DSCAM: variants seen among roughly 807,000 people sequenced by gnomAD.
DSCAM encodes cell adhesion molecule DSCAM.
DSCAM carries 47 observed loss-of-function variants against 217.7 expected under a neutral mutation model. The observed-to-expected ratio is 0.22, with a 90% CI of 0.17 to 0.28. DSCAM has a LOEUF of 0.28. Ranked by LOEUF, DSCAM falls within the 10% of genes least tolerant of loss-of-function variation. The pLI is 1.00. For synonymous variants in DSCAM, 1,056 were observed against 1,015.3 expected, an observed-to-expected ratio of 1.04 and a Z score of -0.76; for missense variants, 2,080 against 2,618.3, an observed-to-expected ratio of 0.79 and a Z score of 4.49.
intron 3 of DSCAM, among the ~76,000 whole-genome samples, chr21:40,654,444 A>C (rs2090050664): frequency 6.6e-6 from 1 of 152,194 alleles, no homozygotes; most frequent in Admixed American, 6.5e-5. Flanking sequence ...CACTGCACTA[A>C]ATTTTTACAG....
intron 3 of DSCAM, among the ~76,000 whole-genome samples, chr21:40,668,984 A>AAC (rs753980310): frequency 5.3e-4 from 80 of 152,002 alleles, no homozygotes; most frequent in East Asian, 1.4e-3. Context: ...CTCCGTGCCA[A>AAC]ACACACACAC....
intron 4 of DSCAM, among the ~76,000 whole-genome samples, chr21:40,359,010 C>T (rs1358840111): frequency 6.6e-6 from 1 of 151,890 alleles, no homozygotes; most frequent in Non-Finnish European, 1.5e-5. Flanking sequence ...ACACAAATAC[C>T]TAATCAGTAC....
In DSCAM at chr21:40,172,146, A is replaced by G. The variant is rs143315248; in HGVS notation, c.2948-4858T>C. 3.2e-3 allele frequency among the ~76,000 whole-genome samples: 484 copies of G among 152,310 alleles called. 3 individuals are homozygous for G. The highest frequency in any genetic ancestry group is 0.011 in the African/African-American group (473 of 41,588). Reference sequence around the variant, plus strand: ...TTGCTGGGTGCAGTGGTACATGCCCATAATCCCAGCTACTGGGGAGGCTGA... The same window carrying G: ...TTGCTGGGTGCAGTGGTACATGCCCGTAATCCCAGCTACTGGGGAGGCTGA... On this transcript the variant is annotated intron_variant, in intron 15 of 32. Coordinates refer to ENST00000400454, the MANE Select transcript of DSCAM (RefSeq NM_001389.5).
intron 8 of DSCAM, among the ~76,000 whole-genome samples, chr21:40,337,818 C>T (rs916172889): frequency 2.1e-4 from 32 of 152,196 alleles, no homozygotes; most frequent in Non-Finnish European, 1.2e-4. Flanking sequence ...GATAATGAAG[C>T]TAATGATGTG....
intron 1 of DSCAM, among the ~76,000 whole-genome samples, chr21:40,732,657 CT>C (rs1264991255): frequency 6.6e-6 from 1 of 152,152 alleles, no homozygotes; most frequent in African/African-American, 2.4e-5. Flanking sequence ...ACTTTTGCCC[CT>C]ATACTAGTCC....
chr21:40,216,557 C>T (rs1218704956), intron 11 of DSCAM, among the ~76,000 whole-genome samples: 1 of 152,156 alleles, frequency 6.6e-6, no homozygotes, highest in Non-Finnish European at 1.5e-5. Context: ...ATAATCAACA[C>T]CTATTAATGC....
At chr21:40,439,310 G>T (rs2075610752) in intron 3 of DSCAM, among the ~76,000 whole-genome samples, 1 of 152,192 alleles carries the variant, frequency 6.6e-6, no homozygotes, top group African/African-American at 2.4e-5. Flanking sequence ...ACTTTTAAAA[G>T]ATCCCTGTGC....
At chr21:40,356,610 T>C (rs1215214717) in intron 4 of DSCAM, among the ~76,000 whole-genome samples, 1 of 152,126 alleles carries the variant, frequency 6.6e-6, no homozygotes, top group Non-Finnish European at 1.5e-5. Context: ...TTACATCACC[T>C]GGAAGGTGGA....
chr21:40,642,337 C>T (rs2089892620), intron 3 of DSCAM, among the ~76,000 whole-genome samples: 1 of 152,198 alleles, frequency 6.6e-6, no homozygotes, highest in East Asian at 1.9e-4. Flanking sequence ...GGAACAGAGG[C>T]ACGATAAGTA....
intron 3 of DSCAM, among the ~76,000 whole-genome samples, chr21:40,560,028 C>G (rs1019444212): frequency 2.0e-5 from 3 of 152,012 alleles, no homozygotes; most frequent in African/African-American, 7.3e-5. Context: ...CTCCTGACCT[C>G]GTGATCCGCC....
At chr21:40,836,958 G>A (rs1024888082) in intron 1 of DSCAM, among the ~76,000 whole-genome samples, 10 of 152,174 alleles carry the variant, frequency 6.6e-5, no homozygotes, top group Non-Finnish European at 1.5e-4. Flanking sequence ...GCTAATGAGA[G>A]GAAATGCATT....
At chr21:40,346,446 AGT>A (rs2074558923) in intron 6 of DSCAM, among the ~76,000 whole-genome samples, 1 of 152,224 alleles carries the variant, frequency 6.6e-6, no homozygotes, top group South Asian at 2.1e-4. Context: ...TTCACATATT[AGT>A]GTGTTTTCTT....
At chr21:40,505,875 A>C (rs73226301) in intron 3 of DSCAM, among the ~76,000 whole-genome samples, 13,233 of 152,224 alleles carry the variant, frequency 0.087, 675 homozygotes, top group Middle Eastern at 0.16. Flanking sequence ...GACTTTTAAC[A>C]CTTCGCCAAC....
chr21:40,786,323 A>T (rs1291270411), intron 1 of DSCAM, among the ~76,000 whole-genome samples: 2 of 151,888 alleles, frequency 1.3e-5, no homozygotes, highest in Admixed American at 6.6e-5. Context: ...GGAGAAAGAA[A>T]GGAAGAAAGG....
At chr21:40,282,925 GA>G (rs1478226567) in intron 10 of DSCAM, among the ~76,000 whole-genome samples, 2 of 152,128 alleles carry the variant, frequency 1.3e-5, no homozygotes, top group Non-Finnish European at 2.9e-5. Flanking sequence ...TCCTAATGAA[GA>G]TAGAAATAAA....
rs375847785 is a variant in DSCAM at position 40,686,340 on chromosome 21, C to A, written c.508+6470G>T. 1.6e-3 allele frequency among the ~76,000 whole-genome samples: 247 copies of A among 150,364 alleles called. 2 individuals are homozygous for A. The highest frequency in any genetic ancestry group is 5.9e-3 in the African/African-American group (242 of 40,894). ...ACACCACATATACACAGAGTACACA[C>A]CCCACATGCCACACACACACCACAC... On this transcript the variant is annotated intron_variant, in intron 3 of 32. Coordinates refer to ENST00000400454, the MANE Select transcript of DSCAM (RefSeq NM_001389.5).
chr21:40,202,370 A>G (rs1265557835), intron 11 of DSCAM, among the ~76,000 whole-genome samples: 2 of 152,218 alleles, frequency 1.3e-5, no homozygotes, highest in East Asian at 1.9e-4. Flanking sequence ...ATAAATCATC[A>G]TCCCCATTAG....
intron 3 of DSCAM, among the ~76,000 whole-genome samples, chr21:40,403,196 C>T (rs1028424312): frequency 1.1e-4 from 16 of 152,022 alleles, no homozygotes; most frequent in African/African-American, 3.9e-4. Flanking sequence ...TCCAGTGATC[C>T]CTTGAAATAT....
chr21:40,772,350 A>G (rs1169232149), intron 1 of DSCAM, among the ~76,000 whole-genome samples: 1 of 151,964 alleles, frequency 6.6e-6, no homozygotes, highest in Non-Finnish European at 1.5e-5. Context: ...TGCACTTTTA[A>G]TAGAGACGGG....
Sources: allele counts gnomAD v4.1 joint callset (sites outside exome capture counted in the v4.1 genomes callset), GRCh38; gene constraint gnomAD v4.1.1; transcripts MANE v1.5; gene names NCBI Gene and HGNC (gene_info 2026-07-23, HGNC 2026-07-21).